Variants in TAFA1 observed in about 807,000 individuals in gnomAD.
TAFA1 encodes TAFA chemokine like family member 1.
A neutral mutation model predicts 18.5 loss-of-function variants in TAFA1; 4 were observed. That is an observed-to-expected ratio of 0.22 (90% CI 0.11 to 0.49). The LOEUF (loss-of-function observed/expected upper bound fraction) is 0.49, where lower values mean the gene tolerates loss of function less well. Among genes scored for constraint, TAFA1 ranks in the 20% least tolerant of loss-of-function variants. The pLI, the probability that TAFA1 is intolerant of heterozygous loss-of-function variation, is 0.98. For missense variants in TAFA1, 147 were observed against 169.0 expected (o/e 0.87, Z 0.72); for synonymous variants, 56 against 55.2 (o/e 1.01, Z -0.06).
chr3:68,271,285 G>C (rs780657519), intron 2 of TAFA1, among the ~76,000 whole-genome samples: 1 of 152,000 alleles, frequency 6.6e-6, no homozygotes, highest in African/African-American at 2.4e-5. Flanking sequence ...CCCAACTCCT[G>C]CTTCCCAGCT....
At chr3:68,031,705 A>G (rs887418124) in intron 2 of TAFA1, among the ~76,000 whole-genome samples, 3 of 152,214 alleles carry the variant, frequency 2.0e-5, no homozygotes, top group African/African-American at 7.2e-5. Context: ...AAGCAAGTTT[A>G]AAAATTTTGT....
chr3:68,060,082 C>G (rs949129924), intron 2 of TAFA1, among the ~76,000 whole-genome samples: 2 of 152,072 alleles, frequency 1.3e-5, no homozygotes, highest in East Asian at 3.9e-4. Flanking sequence ...AAAAAAAACA[C>G]ACACACACGC....
At chr3:68,051,815 G>A (rs758444476) in intron 2 of TAFA1, among the ~76,000 whole-genome samples, 57 of 151,942 alleles carry the variant, frequency 3.8e-4, no homozygotes, top group African/African-American at 1.2e-3. Context: ...CAACACTATC[G>A]TTTAAAAAAT....
At chr3:68,479,971 T>A (rs1449855088) in intron 3 of TAFA1, among the ~76,000 whole-genome samples, 1 of 152,160 alleles carries the variant, frequency 6.6e-6, no homozygotes, top group Non-Finnish European at 1.5e-5. Context: ...TTGAGACAAG[T>A]CTTTCACTTC....
In TAFA1 at chr3:68,322,696, A is replaced by G. The variant is rs149820041; in HGVS notation, c.119-94584A>G. Among the ~76,000 whole-genome samples the G allele has an allele frequency of 9.6e-3, 1,466 of 152,186 alleles. 30 individuals carry two copies. Among genetic ancestry groups the G allele is most frequent in the African/African-American group, 0.034 (1,391 of 41,518 alleles). On this transcript the variant is annotated intron_variant, in intron 2 of 4. Coordinates refer to ENST00000478136, the MANE Select transcript of TAFA1 (RefSeq NM_213609.4). ...GGGCGCTCATGCCTGTAATCCCAGC[A>G]TTTTGGGAGGCCGAGGCAGGTGGAT...
At chr3:68,544,247 C>A (rs190440532) in intron 4 of TAFA1, among the ~76,000 whole-genome samples, 4 of 152,220 alleles carry the variant, frequency 2.6e-5, no homozygotes, top group African/African-American at 9.6e-5. Flanking sequence ...AGGAGCCTCA[C>A]TCCTCAGGAG....
At chr3:68,370,468 G>GTGTATATATATATATATATATATA (rs2069674152) in intron 2 of TAFA1, among the ~76,000 whole-genome samples, 10 of 16,624 alleles carry the variant, frequency 6.0e-4, no homozygotes, top group East Asian at 6.2e-3. Context: ...GTGTGTGTGT[G>GTGTATATATATATATATATATATA]TGTGTATATA....
At chr3:68,083,402 A>C (rs978436664) in intron 2 of TAFA1, among the ~76,000 whole-genome samples, 4 of 152,250 alleles carry the variant, frequency 2.6e-5, no homozygotes, top group Non-Finnish European at 5.9e-5. Flanking sequence ...AAAATAATAC[A>C]TTAAAAGGAC....
Position 68,267,145 on chromosome 3 carries a change from G to A in TAFA1, c.119-150135G>A, listed in dbSNP as rs557168342. Among the ~76,000 whole-genome samples, 6 of 152,256 alleles carry A rather than the reference G, an allele frequency of 3.9e-5. No individual in the cohort carries two copies. In the East Asian group the frequency reaches 9.7e-4, roughly 24 times the overall value. On this transcript the variant is annotated intron_variant, in intron 2 of 4. Coordinates refer to ENST00000478136, the MANE Select transcript of TAFA1 (RefSeq NM_213609.4). ...ACTCATTTGTGTAAACTGGTCTATA[G>A]GAACACACAGATAAGACTTGTTGTG...
At chr3:68,107,679 C>T (rs941171551) in intron 2 of TAFA1, among the ~76,000 whole-genome samples, 3 of 152,042 alleles carry the variant, frequency 2.0e-5, no homozygotes, top group Non-Finnish European at 4.4e-5. Context: ...AGAGATATGT[C>T]ATATCTTTTA....
chr3:68,018,263 A>G (rs1385498606), intron 2 of TAFA1, among the ~76,000 whole-genome samples: 2 of 152,164 alleles, frequency 1.3e-5, no homozygotes, highest in Non-Finnish European at 2.9e-5. Context: ...AAGTCAGCCA[A>G]TTGTCAAAGA....
chr3:68,452,848 G>C (rs1401984241), intron 3 of TAFA1, among the ~76,000 whole-genome samples: 1 of 152,152 alleles, frequency 6.6e-6, no homozygotes. Flanking sequence ...CATTATTTAA[G>C]GCATTTTTAC....
chr3:68,077,914 T>A (rs935029460), intron 2 of TAFA1, among the ~76,000 whole-genome samples: 1 of 152,162 alleles, frequency 6.6e-6, no homozygotes, highest in African/African-American at 2.4e-5. Flanking sequence ...ATGGACACTT[T>A]CACGATATTG....
chr3:68,156,152 C>A (rs1377290845), intron 2 of TAFA1, among the ~76,000 whole-genome samples: 1 of 152,084 alleles, frequency 6.6e-6, no homozygotes, highest in Non-Finnish European at 1.5e-5. Flanking sequence ...GCACAAGCAC[C>A]AAACTGGGCT....
intron 3 of TAFA1, among the ~76,000 whole-genome samples, chr3:68,499,627 G>A (rs1370042760): frequency 1.3e-5 from 2 of 151,600 alleles, no homozygotes; most frequent in Non-Finnish European, 2.9e-5. Context: ...TGTGGTGAGT[G>A]AACCCCACCA....
At chr3:68,250,083 G>A (rs2067163518) in intron 2 of TAFA1, among the ~76,000 whole-genome samples, 1 of 152,162 alleles carries the variant, frequency 6.6e-6, no homozygotes, top group Non-Finnish European at 1.5e-5. Flanking sequence ...GGGAGGAAAA[G>A]CATTTCCAGG....
chr3:68,349,885 T>C (rs1199940198), intron 2 of TAFA1, among the ~76,000 whole-genome samples: 1 of 152,130 alleles, frequency 6.6e-6, no homozygotes, highest in Non-Finnish European at 1.5e-5. Flanking sequence ...TTCACCATAA[T>C]AGCCTTGAGC....
chr3:68,362,713 G>T (rs993957364), intron 2 of TAFA1, among the ~76,000 whole-genome samples: 3 of 152,104 alleles, frequency 2.0e-5, no homozygotes, highest in African/African-American at 7.2e-5. Context: ...GTAACAGCAA[G>T]CTGTCTGAGG....
chr3:68,419,118 C>T (rs2070906320), intron 3 of TAFA1, among the ~76,000 whole-genome samples: 1 of 152,152 alleles, frequency 6.6e-6, no homozygotes, highest in African/African-American at 2.4e-5. Flanking sequence ...TAGCTGGCTT[C>T]CCTCAAAGTG....
Sources: allele counts gnomAD v4.1 joint callset (sites outside exome capture counted in the v4.1 genomes callset), GRCh38; gene constraint gnomAD v4.1.1; transcripts MANE v1.5; gene names NCBI Gene and HGNC (gene_info 2026-07-23, HGNC 2026-07-21).